Variants in PARVA observed in about 807,000 individuals in gnomAD.
The protein encoded by PARVA is parvin alpha.
In PARVA, 25 loss-of-function variants were observed where a neutral mutation model predicts 52.6. That is an observed-to-expected ratio of 0.48 (90% confidence interval 0.35 to 0.66). The LOEUF (loss-of-function observed/expected upper bound fraction) is 0.66. PARVA is among the 30% of genes least tolerant of loss of function. The probability of loss-of-function intolerance (pLI) is 0.01; values close to 1 mark genes in which losing one functional copy is unlikely to be tolerated. For synonymous variants in PARVA, 185 were observed against 179.1 expected (o/e 1.03, Z -0.26); for missense variants, 373 against 450.9 (o/e 0.83, Z 1.56).
intron 1 of PARVA, among the ~76,000 whole-genome samples, chr11:12,414,115 C>T (rs943161846): frequency 6.6e-6 from 1 of 152,220 alleles, no homozygotes; most frequent in Admixed American, 6.5e-5. Flanking sequence ...CGTGCCAGCA[C>T]AGAACTATTA....
At chr11:12,451,739 A>G (rs1423493931) in intron 1 of PARVA, among the ~76,000 whole-genome samples, 2 of 152,198 alleles carry the variant, frequency 1.3e-5, no homozygotes, top group Admixed American at 6.5e-5. Flanking sequence ...TCTGCATCCT[A>G]TAGATTAAAT....
chr11:12,432,429 G>C (rs116140533), intron 1 of PARVA, among the ~76,000 whole-genome samples: 357 of 152,342 alleles, frequency 2.3e-3, no homozygotes, highest in African/African-American at 8.3e-3. Context: ...GAATTTGGGA[G>C]CTGTAGAATT....
chr11:12,474,635 C>T (rs956377601), intron 3 of PARVA, among the ~76,000 whole-genome samples: 3 of 152,090 alleles, frequency 2.0e-5, no homozygotes, highest in Non-Finnish European at 2.9e-5. Context: ...GAGTTCGAGA[C>T]CAGCCTGGGC....
chr11:12,477,222 G>C (rs937194818), intron 3 of PARVA: 11 of 152,092 alleles, frequency 7.2e-5, no homozygotes, highest in African/African-American at 2.2e-4. Context: ...AGCCACCCAA[G>C]TAGCTGGGAT....
rs1404439064 is a variant in PARVA at position 12,534,612 on chromosome 11, A to G, written c.*6687A>G. Among the ~76,000 whole-genome samples, 1 of 152,256 alleles carries G rather than the reference A, an allele frequency of 6.6e-6. No homozygotes were observed. Among genetic ancestry groups the G allele is most frequent in the East Asian group, 1.9e-4 (1 of 5,202 alleles). The stretch of plus-strand genomic sequence containing the variant: ...ATGCAATTTGTTAGCACAGGCTGTC[A>G]TTCCAAGACACACAAATGTCATTAA... On this transcript the variant is annotated 3_prime_UTR_variant, in exon 13 of 13. Transcript: ENST00000334956.
intron 1 of PARVA, among the ~76,000 whole-genome samples, chr11:12,419,394 C>A (rs952191981): frequency 3.3e-5 from 5 of 152,012 alleles, no homozygotes; most frequent in Non-Finnish European, 5.9e-5. Context: ...GACTGACTTA[C>A]TTCACTCAGT....
chr11:12,436,320 A>G (rs1436029551), intron 1 of PARVA, among the ~76,000 whole-genome samples: 1 of 152,214 alleles, frequency 6.6e-6, no homozygotes, highest in Admixed American at 6.5e-5. Context: ...CACTGGTATC[A>G]GAGTTGAAGG....
chr11:12,501,106 C>CAAAAA (rs112564187), intron 5 of PARVA, among the ~76,000 whole-genome samples: 3,174 of 132,440 alleles, frequency 0.024, 107 homozygotes, highest in African/African-American at 0.082. Flanking sequence ...AAATCCATCT[C>CAAAAA]AAAAAAAAAA....
chr11:12,419,934 A>C (rs1031748089), intron 1 of PARVA, among the ~76,000 whole-genome samples: 3 of 152,218 alleles, frequency 2.0e-5, no homozygotes, highest in African/African-American at 7.2e-5. Context: ...TAAGATTCAT[A>C]TATACTGCTG....
At chr11:12,434,696 C>T (rs774481086) in intron 1 of PARVA, among the ~76,000 whole-genome samples, 36 of 152,166 alleles carry the variant, frequency 2.4e-4, no homozygotes, top group Non-Finnish European at 4.4e-4. Flanking sequence ...CTCTATCCTT[C>T]CAGACCCTCC....
chr11:12,412,492 C>A (rs1940004561), intron 1 of PARVA, among the ~76,000 whole-genome samples: 1 of 152,166 alleles, frequency 6.6e-6, no homozygotes, highest in Non-Finnish European at 1.5e-5. Context: ...ATGCAGTTCA[C>A]CAGCCCAGGC....
chr11:12,406,461 T>C (rs894848498), intron 1 of PARVA, among the ~76,000 whole-genome samples: 5 of 151,938 alleles, frequency 3.3e-5, no homozygotes, highest in Non-Finnish European at 7.4e-5. Context: ...AGGTGACATA[T>C]AAAACTAAAG....
At chr11:12,458,298 A>G (rs55679073) in intron 1 of PARVA, among the ~76,000 whole-genome samples, 40,341 of 152,170 alleles carry the variant, frequency 0.27, 5,556 homozygotes, top group African/African-American at 0.33. Flanking sequence ...TTTTCTCAGG[A>G]CAGTGTCATA....
chr11:12,493,369 A>G (rs934799863), intron 4 of PARVA, among the ~76,000 whole-genome samples: 18 of 151,094 alleles, frequency 1.2e-4, no homozygotes, highest in Non-Finnish European at 1.9e-4. Context: ...AAAAAAAAAA[A>G]AGAGAGAATA....
At chr11:12,449,115 C>A (rs1414016043) in intron 1 of PARVA, among the ~76,000 whole-genome samples, 2 of 151,620 alleles carry the variant, frequency 1.3e-5, no homozygotes, top group African/African-American at 4.8e-5. Flanking sequence ...TTTATGTTTA[C>A]CAAAAGGGGC....
intron 9 of PARVA, 24 bp downstream of exon 9, chr11:12,513,384 G>A (rs758304697): frequency 1.4e-4 from 218 of 1,604,500 alleles, no homozygotes; most frequent in Non-Finnish European, 1.8e-4. Flanking sequence ...GCCTGGGATG[G>A]ACAGAGGGAA....
In PARVA at chr11:12,411,374, T is replaced by A. The variant is rs574478474; in HGVS notation, c.136+33591T>A. On this transcript the variant is annotated intron_variant, in intron 1 of 12. Coordinates refer to ENST00000334956, the MANE Select transcript of PARVA (RefSeq NM_018222.5). ...TTCCCCTATTGCCAACATTGTACAT[T>A]GGTATGGTACATTTATTATAATTAA... Among the ~76,000 whole-genome samples the A allele has an allele frequency of 3.3e-5, 5 of 152,326 alleles. No individual in the cohort carries two copies. The East Asian group carries it at 9.6e-4, about 29-fold the overall frequency.
chr11:12,425,382 C>T lies in PARVA; in HGVS notation c.136+47599C>T, dbSNP rs142611677. 1.6e-3 allele frequency among the ~76,000 whole-genome samples: 244 copies of T among 152,238 alleles called. 2 individuals carry two copies. The highest frequency in any genetic ancestry group is 5.5e-3 in the African/African-American group (230 of 41,530). On this transcript the variant is annotated intron_variant, in intron 1 of 12. Coordinates refer to ENST00000334956, the MANE Select transcript of PARVA (RefSeq NM_018222.5). The stretch of plus-strand genomic sequence containing the variant: ...CACCTCTTCATTGGATTCCTCAAGG[C>T]CTTCCCTCACCCCGCAGTTTCCCCA...
intron 5 of PARVA, among the ~76,000 whole-genome samples, chr11:12,497,021 G>T (rs904361277): frequency 6.6e-6 from 1 of 152,086 alleles, no homozygotes; most frequent in Non-Finnish European, 1.5e-5. Context: ...TCCAAAGCCC[G>T]CGCCCTTCCA....
Sources: gnomAD v4.1 joint callset for allele counts (sites outside exome capture counted in the v4.1 genomes callset) on GRCh38, gnomAD v4.1.1 for gene constraint, MANE v1.5 for transcripts, NCBI Gene and HGNC (gene_info 2026-07-23, HGNC 2026-07-21) for gene names.